The following TOX variants were observed in gnomAD, a reference collection of about 807,000 sequenced individuals.
TOX encodes the protein thymocyte selection-associated high mobility group box protein TOX.
In TOX, 11 loss-of-function variants were observed where a neutral mutation model predicts 53.7. That is an observed-to-expected ratio of 0.20 (90% CI 0.13 to 0.34). The LOEUF is 0.34. Among genes scored for constraint, TOX ranks in the 10% least tolerant of loss-of-function variants. The pLI, the probability that TOX is intolerant of heterozygous loss-of-function variation, is 1.00. For synonymous variants in TOX, 225 were observed against 245.3 expected, an observed-to-expected ratio of 0.92 and a Z score of 0.77; for missense variants, 570 against 664.6, an observed-to-expected ratio of 0.86 and a Z score of 1.56.
chr8:58,979,264 AGTC>A (rs980080676), intron 1 of TOX, among the ~76,000 whole-genome samples: 6 of 152,232 alleles, frequency 3.9e-5, no homozygotes, highest in Non-Finnish European at 8.8e-5. Flanking sequence ...TATCCCCAAT[AGTC>A]TTTCTAGGTT....
intron 1 of TOX, among the ~76,000 whole-genome samples, chr8:59,015,846 T>C (rs76760556): frequency 0.018 from 2,784 of 152,318 alleles, 85 homozygotes; most frequent in African/African-American, 0.063. Flanking sequence ...AATTTTGTCA[T>C]GGTGAGGCTA....
At position 58,855,024 on chromosome 8, in the gene TOX, C is replaced by A. The variant is rs146980203; in HGVS notation, c.412-3219G>T. 1.4e-3 allele frequency among the ~76,000 whole-genome samples: 219 copies of A among 152,192 alleles called. 3 individuals are homozygous for A. The highest frequency in any genetic ancestry group is 5.0e-3 in the African/African-American group (206 of 41,534). ...AGCTCTGTCATGTCAAATGCAAAAC[C>A]TGAAGTAGCAGAATATTATTTCCTG... On this transcript the variant is annotated intron_variant, in intron 3 of 8. Coordinates refer to ENST00000361421, the MANE Select transcript of TOX (RefSeq NM_014729.3).
chr8:58,995,094 A>C (rs1330396512), intron 1 of TOX, among the ~76,000 whole-genome samples: 1 of 152,190 alleles, frequency 6.6e-6, no homozygotes, highest in Non-Finnish European at 1.5e-5. Flanking sequence ...AAGCTTATTT[A>C]AAATTTTTAC....
chr8:58,846,068 T>C (rs1183290335), intron 4 of TOX, among the ~76,000 whole-genome samples: 2 of 152,112 alleles, frequency 1.3e-5, no homozygotes, highest in Non-Finnish European at 2.9e-5. Flanking sequence ...TAATTAAGTA[T>C]GCTCAGTCAT....
chr8:59,011,410 C>T (rs977823542), intron 1 of TOX, among the ~76,000 whole-genome samples: 3 of 152,202 alleles, frequency 2.0e-5, no homozygotes, highest in African/African-American at 4.8e-5. Context: ...ACTCTCTAAC[C>T]GAAAAGCTCT....
At chr8:58,929,408 T>A (rs1439744636) in intron 3 of TOX, among the ~76,000 whole-genome samples, 1 of 151,978 alleles carries the variant, frequency 6.6e-6, no homozygotes, top group African/African-American at 2.4e-5. Context: ...AAATGGCTAA[T>A]ATAAAAAGAC....
At chr8:58,929,881 T>C (rs1226967947) in intron 3 of TOX, among the ~76,000 whole-genome samples, 1 of 152,200 alleles carries the variant, frequency 6.6e-6, no homozygotes, top group African/African-American at 2.4e-5. Context: ...TTTAGAAGTC[T>C]TGTAATTTTA....
chr8:59,054,930 AAAAG>A (rs1265071394), intron 1 of TOX, among the ~76,000 whole-genome samples: 16 of 144,922 alleles, frequency 1.1e-4, no homozygotes, highest in Admixed American at 7.9e-4. Context: ...GAAAGAAAGA[AAAAG>A]AAAGAAAGGA....
chr8:58,925,777 C>G (rs752439392), intron 3 of TOX, among the ~76,000 whole-genome samples: 1 of 152,132 alleles, frequency 6.6e-6, no homozygotes, highest in Non-Finnish European at 1.5e-5. Context: ...AACACATCTG[C>G]ATTTTTATTC....
At position 58,808,145 on chromosome 8, in the gene TOX, T is replaced by C. The variant is rs1216238994; in HGVS notation, c.1517A>G (p.Asp506Gly). The C allele has an allele frequency of 6.2e-7, 1 of 1,613,820 alleles. No individual in the cohort carries two copies. Residue 506 changes from aspartate (D) to glycine (G), a missense_variant, in exon 8 of 9, where the codon GAC becomes GGC. Transcript: ENST00000361421. ...ACTACTGCAGTAGTCGTTATTCCAG[T>C]CCACCGGTTGTGGGGGAGGATTTCT... ...GCRNPPPQPV[D>G]WNNDYCSSGG...
chr8:58,888,318 A>G (rs1281160559), intron 3 of TOX, among the ~76,000 whole-genome samples: 1 of 152,124 alleles, frequency 6.6e-6, no homozygotes, highest in Non-Finnish European at 1.5e-5. Context: ...AAATACACCT[A>G]GTAATAAGTA....
At chr8:58,870,412 T>A (rs1811177256) in intron 3 of TOX, among the ~76,000 whole-genome samples, 1 of 152,088 alleles carries the variant, frequency 6.6e-6, no homozygotes, top group South Asian at 2.1e-4. Context: ...TATAAATAGA[T>A]ACCCTGTGTT....
At chr8:58,932,252 T>G (rs899240130) in intron 3 of TOX, among the ~76,000 whole-genome samples, 6 of 150,532 alleles carry the variant, frequency 4.0e-5, no homozygotes, top group Non-Finnish European at 7.4e-5. Context: ...TGTTCTTGGG[T>G]TCTGCGATAT....
At chr8:58,865,648 G>A (rs751884568) in intron 3 of TOX, among the ~76,000 whole-genome samples, 5 of 151,458 alleles carry the variant, frequency 3.3e-5, no homozygotes, top group African/African-American at 7.3e-5. Flanking sequence ...ATATATTTTC[G>A]GTCTTTATGT....
rs183342561 is a variant in TOX at position 59,118,694 on chromosome 8, G to T, written c.102+192C>A. On this transcript the variant is annotated intron_variant, in intron 1 of 8. Transcript: ENST00000361421. This position sits in a 1 kb window ranked among gnomAD's most constrained non-coding sequence, Gnocchi z 4.1. ...ATCGTGTCACTTTCCGCACAATCGC[G>T]GTGTTTGGCAAGCCCCCGGAGCTAC... 2.0e-5 allele frequency among the ~76,000 whole-genome samples: 3 copies of T among 152,250 alleles called. No individual in the cohort carries two copies. The highest frequency in any genetic ancestry group is 3.9e-4 in the East Asian group (2 of 5,156).
chr8:59,053,054 C>T (rs1219218069), intron 1 of TOX, among the ~76,000 whole-genome samples: 1 of 152,070 alleles, frequency 6.6e-6, no homozygotes, highest in Non-Finnish European at 1.5e-5. Context: ...TTATTATTTT[C>T]TGAGGATGCC....
At chr8:58,978,966 A>G (rs928185421) in intron 1 of TOX, among the ~76,000 whole-genome samples, 1 of 152,178 alleles carries the variant, frequency 6.6e-6, no homozygotes, top group Non-Finnish European at 1.5e-5. Flanking sequence ...GAAAAATGCT[A>G]TTGCTAAAAA....
chr8:58,955,269 T>G (rs1420890498), intron 2 of TOX, among the ~76,000 whole-genome samples: 1 of 152,122 alleles, frequency 6.6e-6, no homozygotes, highest in Non-Finnish European at 1.5e-5. Flanking sequence ...AAATATGATC[T>G]CGGGCCAGGA....
At chr8:58,896,273 C>T (rs1811643960) in intron 3 of TOX, among the ~76,000 whole-genome samples, 1 of 152,102 alleles carries the variant, frequency 6.6e-6, no homozygotes, top group Non-Finnish European at 1.5e-5. Flanking sequence ...GAAAACACAC[C>T]CACACCCAAC....
Sources: allele counts gnomAD v4.1 joint callset (sites outside exome capture counted in the v4.1 genomes callset), GRCh38; gene constraint gnomAD v4.1.1; non-coding constraint Gnocchi (gnomAD v3.1); transcripts MANE v1.5; gene names NCBI Gene and HGNC (gene_info 2026-07-23, HGNC 2026-07-21).